The following NTM variants were observed in gnomAD, a reference collection of about 807,000 sequenced individuals.
NTM encodes the protein IgLON family member 2.
NTM carries 13 observed loss-of-function variants against 42.1 expected under a neutral mutation model. The ratio of observed to expected loss-of-function variants is 0.31; its 90% CI spans 0.20 to 0.49. The LOEUF (loss-of-function observed/expected upper bound fraction) is 0.49, where lower values mean the gene tolerates loss of function less well. Among genes scored for constraint, NTM ranks in the 20% least tolerant of loss-of-function variants. The pLI is 0.99. For missense variants in NTM, 373 were observed against 452.8 expected (o/e 0.82, Z 1.60); for synonymous variants, 187 against 179.2 (o/e 1.04, Z -0.35).
intron 1 of NTM, among the ~76,000 whole-genome samples, chr11:131,674,933 G>T (rs960544438): frequency 5.1e-4 from 77 of 152,302 alleles, no homozygotes; most frequent in African/African-American, 1.8e-3. Context: ...CTACTCACTT[G>T]CTGCTAGAAA....
intron 1 of NTM, among the ~76,000 whole-genome samples, chr11:131,781,475 A>G (rs926814613): frequency 1.3e-5 from 2 of 152,186 alleles, no homozygotes; most frequent in Admixed American, 6.5e-5. Context: ...GAACATGATA[A>G]TATATGAACT....
intron 4 of NTM, among the ~76,000 whole-genome samples, chr11:132,217,123 G>C (rs182448341): frequency 1.0e-3 from 158 of 152,158 alleles, no homozygotes; most frequent in Non-Finnish European, 1.4e-3. Flanking sequence ...TGGCCCTTTT[G>C]GTGCCTTGCT....
intron 1 of NTM, among the ~76,000 whole-genome samples, chr11:131,428,065 C>A (rs925477647): frequency 6.6e-6 from 1 of 152,176 alleles, no homozygotes; most frequent in Non-Finnish European, 1.5e-5. Flanking sequence ...CCCCTGGGAT[C>A]GAGGTTCATG....
chr11:131,372,935 G>A (rs1050317574), intron 1 of NTM, among the ~76,000 whole-genome samples: 1 of 152,084 alleles, frequency 6.6e-6, no homozygotes, highest in African/African-American at 2.4e-5. Context: ...CCTAACTTGG[G>A]GTAGGGGTGG....
intron 1 of NTM, chr11:131,573,727 G>C (rs1299788677): frequency 6.6e-6 from 1 of 152,208 alleles, no homozygotes; most frequent in East Asian, 1.9e-4. Context: ...TCCTGAATTG[G>C]AGTCGTACCC....
At chr11:131,572,354 G>GC (rs755890910) in intron 1 of NTM, among the ~76,000 whole-genome samples, 7 of 151,992 alleles carry the variant, frequency 4.6e-5, no homozygotes, top group Non-Finnish European at 8.8e-5. Flanking sequence ...TAAGATATTT[G>GC]CCCCCTAAGG....
intron 3 of NTM, among the ~76,000 whole-genome samples, chr11:132,172,440 G>A (rs1402271231): frequency 6.6e-6 from 1 of 152,140 alleles, no homozygotes; most frequent in Non-Finnish European, 1.5e-5. Context: ...AATGTGTTCA[G>A]AACCTACAAG....
At chr11:131,666,830 G>C (rs754154070) in intron 1 of NTM, among the ~76,000 whole-genome samples, 1 of 152,208 alleles carries the variant, frequency 6.6e-6, no homozygotes, top group Non-Finnish European at 1.5e-5. Context: ...TTACCAGGGA[G>C]GGGGGCATTC....
chr11:131,567,147 T>C (rs1298897794), intron 1 of NTM, among the ~76,000 whole-genome samples: 5 of 151,450 alleles, frequency 3.3e-5, no homozygotes, highest in African/African-American at 9.7e-5. Flanking sequence ...AGAGACCCTG[T>C]GGGGGACTGG....
chr11:132,323,298 A>G lies in NTM; in HGVS notation c.935-6855A>G, dbSNP rs1032645235. Among the ~76,000 whole-genome samples, 28 of 152,130 alleles carry G rather than the reference A, an allele frequency of 1.8e-4. 1 individual carries two copies. The highest frequency in any genetic ancestry group is 1.0e-4 in the Non-Finnish European group (7 of 68,022). On this transcript the variant is annotated intron_variant, in intron 7 of 8. Coordinates refer to ENST00000683400, the MANE Select transcript of NTM (RefSeq NM_001352005.2). ...AGACCGCTAGCAAGACTAATAAAGA[A>G]AAAAAGAAGAATCAAATAGACGCAA...
intron 1 of NTM, among the ~76,000 whole-genome samples, chr11:131,532,157 TA>T: frequency 6.6e-6 from 1 of 152,320 alleles, no homozygotes; most frequent in East Asian, 1.9e-4. Flanking sequence ...GTTGCACAAC[TA>T]TTACAACCAT....
chr11:131,555,017 C>T (rs901188112), intron 1 of NTM, among the ~76,000 whole-genome samples: 2 of 152,092 alleles, frequency 1.3e-5, no homozygotes, highest in Non-Finnish European at 2.9e-5. Flanking sequence ...CCATTATGGG[C>T]CATGTGTGGT....
intron 3 of NTM, among the ~76,000 whole-genome samples, chr11:132,200,579 A>C (rs141936505): frequency 6.6e-6 from 1 of 152,256 alleles, no homozygotes; most frequent in African/African-American, 2.4e-5. Flanking sequence ...GTTTGAGTGC[A>C]TAACTACCAG....
chr11:132,085,375 G>A (rs914134832), intron 2 of NTM, among the ~76,000 whole-genome samples: 2 of 152,202 alleles, frequency 1.3e-5, no homozygotes, highest in African/African-American at 4.8e-5. Context: ...GCATGGTGAA[G>A]GGTGTGGTTA....
At chr11:131,692,927 G>C (rs1011553226) in intron 1 of NTM, among the ~76,000 whole-genome samples, 2 of 152,210 alleles carry the variant, frequency 1.3e-5, no homozygotes, top group African/African-American at 4.8e-5. Flanking sequence ...GAAATCGCAC[G>C]GCAGGTCATT....
In NTM at chr11:131,993,216, G is replaced by A. The variant is rs183705226; in HGVS notation, c.167+81568G>A. Among the ~76,000 whole-genome samples the A allele has an allele frequency of 1.1e-3, 175 of 152,270 alleles. 2 individuals carry two copies. The highest frequency in any genetic ancestry group is 4.0e-3 in the African/African-American group (166 of 41,548). Reference sequence around the variant, plus strand: ...AGTTTGGGAGAGAGAGGCTGCAGGTGAAGCAACTTCTTGGGAGTGCATTGC... The same window carrying A: ...AGTTTGGGAGAGAGAGGCTGCAGGTAAAGCAACTTCTTGGGAGTGCATTGC... On this transcript the variant is annotated intron_variant, in intron 2 of 8. Coordinates refer to ENST00000683400, the MANE Select transcript of NTM (RefSeq NM_001352005.2).
At chr11:132,328,775 A>G (rs1160064900) in intron 7 of NTM, among the ~76,000 whole-genome samples, 2 of 151,894 alleles carry the variant, frequency 1.3e-5, no homozygotes, top group Non-Finnish European at 2.9e-5. Flanking sequence ...ATCAAAAATC[A>G]CCGGTACCTA....
intron 2 of NTM, among the ~76,000 whole-genome samples, chr11:131,954,385 G>T (rs994424084): frequency 6.6e-6 from 1 of 152,198 alleles, no homozygotes; most frequent in East Asian, 1.9e-4. Flanking sequence ...TGCAGGCCAA[G>T]CCTTCACCTG....
At chr11:131,758,718 G>T (rs916722404) in intron 1 of NTM, among the ~76,000 whole-genome samples, 1 of 151,852 alleles carries the variant, frequency 6.6e-6, no homozygotes, top group African/African-American at 2.4e-5. Flanking sequence ...TCTGCCTCCC[G>T]AGTAGCTGGG....
Sources: gnomAD v4.1 joint callset for allele counts (sites outside exome capture counted in the v4.1 genomes callset) on GRCh38, gnomAD v4.1.1 for gene constraint, MANE v1.5 for transcripts, NCBI Gene and HGNC (gene_info 2026-07-23, HGNC 2026-07-21) for gene names.